Variants in ERCC6L2 observed in about 807,000 individuals in gnomAD.
ERCC6L2 encodes DNA excision repair protein ERCC-6-like 2.
A neutral mutation model predicts 132.0 loss-of-function variants in ERCC6L2; 77 were observed. The observed-to-expected ratio is 0.58, with a 90% CI of 0.49 to 0.71. The LOEUF is 0.71. Among genes scored for constraint, ERCC6L2 ranks in the 30% least tolerant of loss-of-function variants. The pLI is 0.00. For synonymous variants in ERCC6L2, 583 were observed against 632.4 expected (o/e 0.92, Z 1.17); for missense variants, 1,542 against 1,837.6 (o/e 0.84, Z 2.94).
chr9:96,009,536 C>T (rs1221661794), intron 18 of ERCC6L2, among the ~76,000 whole-genome samples: 1 of 152,214 alleles, frequency 6.6e-6, no homozygotes, highest in Admixed American at 6.5e-5. Flanking sequence ...ATCCATGATA[C>T]ATAACTGCTT....
At position 95,921,317 on chromosome 9, in the gene ERCC6L2, C is replaced by T; in HGVS notation, c.1299+2C>T. ...AAAAGGAGAAATTGTTGTTATAAGG[C>T]AAGCATTTCAATATATCTTTATAAT... On this transcript the variant is annotated splice_donor_variant, in intron 7 of 18. Transcript: ENST00000653738. LOFTEE classifies it low-confidence loss of function (GC_TO_GT_DONOR). The T allele has an allele frequency of 6.2e-7, 1 of 1,608,100 alleles. No individual in the cohort carries two copies. Among genetic ancestry groups the T allele is most frequent in the Non-Finnish European group, 8.5e-7 (1 of 1,177,036 alleles).
intron 13 of ERCC6L2, among the ~76,000 whole-genome samples, chr9:95,957,671 G>C (rs1831675833): frequency 6.6e-6 from 1 of 151,770 alleles, no homozygotes; most frequent in African/African-American, 2.4e-5. Flanking sequence ...TTGTGCAGTA[G>C]TATATGATAA....
chr9:95,955,482 C>G (rs1831555367), intron 12 of ERCC6L2, among the ~76,000 whole-genome samples: 1 of 148,828 alleles, frequency 6.7e-6, no homozygotes, highest in South Asian at 2.1e-4. Flanking sequence ...CCCTTTGTGA[C>G]CCACCTCTCC....
chr9:95,976,024 C>CT (rs1203957642), intron 16 of ERCC6L2, among the ~76,000 whole-genome samples: 1 of 152,104 alleles, frequency 6.6e-6, no homozygotes, highest in African/African-American at 2.4e-5. Flanking sequence ...TGCTTGTTCT[C>CT]TTTTTTCTCA....
chr9:95,886,000 T>A (rs1475178288), intron 2 of ERCC6L2, among the ~76,000 whole-genome samples: 1 of 152,076 alleles, frequency 6.6e-6, no homozygotes. Flanking sequence ...TCTACGTGAA[T>A]CTTTTTTGTT....
Position 95,941,485 on chromosome 9 carries a change from G to A in ERCC6L2, c.1783G>A (p.Ala595Thr). The A allele has an allele frequency of 6.2e-7, 1 of 1,612,582 alleles. No individual in the cohort carries two copies. The highest frequency in any genetic ancestry group is 8.5e-7 in the Non-Finnish European group (1 of 1,179,416). ...AGGLGLNFVG[A>T]NVVVLFDPTW... The stretch of plus-strand genomic sequence containing the variant: ...TGGACTAGGCCTCAATTTTGTCGGT[G>A]CCAATGTTGTTGTATTATTTGATCC... The change falls in exon 12 of 19, where the codon GCC becomes ACC. Residue 595 changes from alanine (A) to threonine (T), a missense_variant. This residue lies in a region of ERCC6L2 where 945 missense variants were observed against 1,105.2 expected (regional missense o/e 0.86). Coordinates refer to ENST00000653738, the MANE Select transcript of ERCC6L2 (RefSeq NM_020207.7).
chr9:96,002,964 G>C (rs998481958), intron 17 of ERCC6L2, among the ~76,000 whole-genome samples: 1 of 151,856 alleles, frequency 6.6e-6, no homozygotes, highest in Non-Finnish European at 1.5e-5. Context: ...TATGTCTTCT[G>C]TCTCTTAACT....
intron 19 of ERCC6L2, chr9:96,028,082 G>C (rs1157416761): frequency 6.6e-6 from 1 of 152,142 alleles, no homozygotes; most frequent in Non-Finnish European, 1.5e-5. Flanking sequence ...CAGTGGACCC[G>C]AGGGCACCCT....
Position 95,923,253 on chromosome 9 carries a change from C to T in ERCC6L2, c.1414-7C>T, listed in dbSNP as rs1564227772. 6.2e-7 allele frequency: 1 copy of T among 1,611,942 alleles called. No homozygotes were observed. The highest frequency in any genetic ancestry group is 8.5e-7 in the Non-Finnish European group (1 of 1,178,782). The stretch of plus-strand genomic sequence containing the variant: ...AAATATCTTTTCTTCTGCCTTTTCC[C>T]TTCAAGGAAACACTTATCAAAAGGA... On this transcript the variant is annotated splice_region_variant and splice_polypyrimidine_tract_variant and intron_variant, in intron 8 of 18. Coordinates refer to ENST00000653738, the MANE Select transcript of ERCC6L2 (RefSeq NM_020207.7).
At chr9:96,010,229 A>G (rs961980652) in intron 18 of ERCC6L2, among the ~76,000 whole-genome samples, 2 of 152,194 alleles carry the variant, frequency 1.3e-5, no homozygotes, top group Admixed American at 6.5e-5. Flanking sequence ...AAGCATGTAT[A>G]GTATCTGGAT....
At chr9:96,038,456 T>C (rs934176084) in intron 19 of ERCC6L2, among the ~76,000 whole-genome samples, 11 of 152,306 alleles carry the variant, frequency 7.2e-5, no homozygotes, top group African/African-American at 2.6e-4. Flanking sequence ...GGCAGGCTTT[T>C]GGAACAGCAG....
At chr9:95,894,755 C>T (rs943569506) in intron 2 of ERCC6L2, among the ~76,000 whole-genome samples, 1 of 151,932 alleles carries the variant, frequency 6.6e-6, no homozygotes, top group African/African-American at 2.4e-5. Context: ...CCACCATGCC[C>T]AGCTAATTTT....
Position 95,956,007 on chromosome 9 carries a change from C to A in ERCC6L2, c.1941C>A (p.Tyr647Ter). The A allele has an allele frequency of 6.3e-7, 1 of 1,576,040 alleles. No homozygotes were observed. The highest frequency in any genetic ancestry group is 8.6e-7 in the Non-Finnish European group (1 of 1,157,386). ...AAATCATGTATTTACGACAGATATA[C>A]AAGCAGGTAAATATGTTTCCCTTTT... ...VEEIMYLRQIYKQQLHCVVVG... is the reference protein window; with the variant it reads ...VEEIMYLRQI Residue 647 changes from tyrosine to a stop codon, truncating the protein, a stop_gained, in exon 13 of 19, where the codon TAC becomes TAA. Coordinates refer to ENST00000653738, the MANE Select transcript of ERCC6L2 (RefSeq NM_020207.7). LOFTEE classifies it high-confidence loss of function.
At chr9:96,032,289 C>T (rs1186839135) in intron 19 of ERCC6L2, among the ~76,000 whole-genome samples, 3 of 152,216 alleles carry the variant, frequency 2.0e-5, no homozygotes, top group Admixed American at 6.5e-5. Context: ...AGCAGCTCCA[C>T]TCATGTTGGG....
intron 17 of ERCC6L2, among the ~76,000 whole-genome samples, chr9:96,003,415 C>G (rs1403560526): frequency 6.6e-6 from 1 of 152,188 alleles, no homozygotes; most frequent in Non-Finnish European, 1.5e-5. Context: ...AATCGCATTC[C>G]ACACATGGCA....
At chr9:95,982,509 A>C (rs1242185260) in intron 17 of ERCC6L2, among the ~76,000 whole-genome samples, 1 of 152,098 alleles carries the variant, frequency 6.6e-6, no homozygotes, top group African/African-American at 2.4e-5. Flanking sequence ...ATGATGCTTT[A>C]AAGTAATTGT....
intron 19 of ERCC6L2, chr9:96,027,612 G>GCGC (rs1173271170): frequency 2.0e-5 from 3 of 152,426 alleles, no homozygotes; most frequent in Admixed American, 1.3e-4. Context: ...CTCCAGGCCG[G>GCGC]CGCCGCCGCC....
chr9:95,972,855 C>T lies in ERCC6L2; in HGVS notation c.3104C>T (p.Ser1035Phe). Residue 1035 changes from serine to phenylalanine, a missense_variant, in exon 16 of 19, where the codon TCT becomes TTT. Around this residue, in one of 4 missense-constraint regions of ERCC6L2, gnomAD observed 945 missense variants for 1,105.2 expected, o/e 0.86. Coordinates refer to ENST00000653738, the MANE Select transcript of ERCC6L2 (RefSeq NM_020207.7). ...QVYAANEDHN[S>F]QFIDDYSSSD... is the part of the protein sequence containing the mutation. ...TATGCAGCAAATGAGGATCATAACT[C>T]TCAGTTTATTGATGATTATTCATCC... 7.7e-7 allele frequency: 1 copy of T among 1,305,162 alleles called. No homozygotes were observed. 80.8% of individuals were successfully genotyped at this position (1,305,162 alleles called of 1,614,324 possible). A position where few individuals can be genotyped will look rare whatever the true frequency, so the allele number is the denominator to read the frequency against.
At chr9:95,915,541 G>T (rs1242729442) in intron 4 of ERCC6L2, 127 bp from the exon 5 acceptor site, 3 of 906,248 alleles carry the variant, frequency 3.3e-6, no homozygotes, top group Non-Finnish European at 1.7e-6. Flanking sequence ...GAATCCAATG[G>T]AGTCATCAAA....
Sources: gnomAD v4.1 joint callset for allele counts (sites outside exome capture counted in the v4.1 genomes callset) on GRCh38, gnomAD v4.1.1 for gene constraint, gnomAD v4.1.1 regional missense constraint, MANE v1.5 for transcripts, NCBI Gene and HGNC (gene_info 2026-07-23, HGNC 2026-07-21) for gene names.